NOCT: variants seen among roughly 807,000 people sequenced by gnomAD.
The protein encoded by NOCT is CCR4 carbon catabolite repression 4-like.
Under a neutral mutation model 35.0 loss-of-function variants are expected in NOCT, and 18 were observed. The ratio of observed to expected loss-of-function variants is 0.51; its 90% CI spans 0.36 to 0.76. The LOEUF (loss-of-function observed/expected upper bound fraction) is 0.76, where lower values mean the gene tolerates loss of function less well. NOCT is among the 30% of genes least tolerant of loss of function. The pLI is 0.01. For missense variants in NOCT, 479 were observed against 541.0 expected, an observed-to-expected ratio of 0.89 and a Z score of 1.14; for synonymous variants, 235 against 226.3, an observed-to-expected ratio of 1.04 and a Z score of -0.34.
At chr4:139,024,009 T>G (rs564080615) in intron 1 of NOCT, among the ~76,000 whole-genome samples, 36 of 151,980 alleles carry the variant, frequency 2.4e-4, no homozygotes, top group African/African-American at 8.2e-4. Flanking sequence ...TGTTAGATTG[T>G]TGGCCATATG....
At chr4:139,038,064 G>A (rs1225268825) in intron 1 of NOCT, among the ~76,000 whole-genome samples, 1 of 152,054 alleles carries the variant, frequency 6.6e-6, no homozygotes, top group East Asian at 1.9e-4. Flanking sequence ...GCCAGGCGTG[G>A]TAGAACAAAC....
At chr4:139,036,274 C>T (rs1009072084) in intron 1 of NOCT, among the ~76,000 whole-genome samples, 7 of 151,892 alleles carry the variant, frequency 4.6e-5, no homozygotes, top group African/African-American at 1.2e-4. Context: ...ATTTTTTTCT[C>T]TAGAGAGACA....
At chr4:139,039,488 C>T (rs983350326) in intron 1 of NOCT, among the ~76,000 whole-genome samples, 4 of 149,320 alleles carry the variant, frequency 2.7e-5, no homozygotes, top group African/African-American at 7.4e-5. Flanking sequence ...TTCTTGATTT[C>T]TTTTGTTCCC....
At chr4:139,016,870 G>A (rs911712930) in intron 1 of NOCT, among the ~76,000 whole-genome samples, 11 of 151,560 alleles carry the variant, frequency 7.3e-5, no homozygotes, top group African/African-American at 2.7e-4. Flanking sequence ...GGCCAGGCTG[G>A]TCTTGAACTC....
At chr4:139,019,181 G>A (rs775836354) in intron 1 of NOCT, among the ~76,000 whole-genome samples, 6 of 152,078 alleles carry the variant, frequency 3.9e-5, no homozygotes, top group Non-Finnish European at 7.4e-5. Context: ...TCAGCCTCCT[G>A]AGCAGCTGTG....
chr4:139,034,249 CA>C lies in NOCT; in HGVS notation c.191-8824del, dbSNP rs141855913. 7.4e-3 allele frequency among the ~76,000 whole-genome samples: 1,126 copies of C among 152,146 alleles called. 18 individuals carry two copies. Among genetic ancestry groups the C allele is most frequent in the African/African-American group, 0.025 (1,058 of 41,492 alleles). ...ACCCCCCACCTTATTGGTATTAATC[CA>C]TTGATGAGAGCCATGCCCTCATGAC... On this transcript the variant is annotated intron_variant, in intron 1 of 2. Coordinates refer to ENST00000280614, the MANE Select transcript of NOCT (RefSeq NM_012118.4).
intron 1 of NOCT, 67 bp from the exon 2 acceptor site, chr4:139,043,007 A>C (rs1473614607): frequency 7.1e-7 from 1 of 1,416,584 alleles, no homozygotes; most frequent in Non-Finnish European, 9.6e-7. Context: ...TGTTTATCTT[A>C]CAGTTGTGCT....
At chr4:139,019,754 T>A (rs1014253978) in intron 1 of NOCT, among the ~76,000 whole-genome samples, 6 of 152,220 alleles carry the variant, frequency 3.9e-5, no homozygotes, top group African/African-American at 1.2e-4. Flanking sequence ...GGCTTTCTTT[T>A]CTCAAGGATA....
chr4:139,019,140 C>T (rs1408885459), intron 1 of NOCT, among the ~76,000 whole-genome samples: 1 of 152,164 alleles, frequency 6.6e-6, no homozygotes, highest in Non-Finnish European at 1.5e-5. Flanking sequence ...ACTGCAACCT[C>T]CACCTCCCAG....
chr4:139,043,548 GAC>G lies in NOCT; in HGVS notation c.460+208_460+209del, dbSNP rs1197457807. ...TTTTTTTTTTTTTAGAAAGAAAAAAGACACTTTAATTGTTCTTGGATAGTCTA... is the reference window on the plus strand; with the variant it reads ...TTTTTTTTTTTTTAGAAAGAAAAAAGACTTTAATTGTTCTTGGATAGTCTA... On this transcript the variant is annotated intron_variant, in intron 2 of 2. Coordinates refer to ENST00000280614, the MANE Select transcript of NOCT (RefSeq NM_012118.4). 7.3e-6 allele frequency: 4 copies of G among 550,480 alleles called. No homozygotes were observed. In the East Asian group the frequency reaches 1.2e-4, roughly 16 times the overall value. The allele number at this position is 550,480 out of a possible 1,614,324, so 34.1% of individuals were successfully genotyped here.
At chr4:139,039,000 T>C (rs1726784908) in intron 1 of NOCT, among the ~76,000 whole-genome samples, 1 of 152,026 alleles carries the variant, frequency 6.6e-6, no homozygotes, top group African/African-American at 2.4e-5. Flanking sequence ...AATGTATTCG[T>C]GAGTGTGTGT....
At chr4:139,043,051 A>G (rs780850313) in intron 1 of NOCT, 23 bp from the exon 2 acceptor site, 15 of 1,573,050 alleles carry the variant, frequency 9.5e-6, no homozygotes, top group Admixed American at 1.7e-5. Flanking sequence ...CTGAGTGTGT[A>G]ACTGTGATTT....
chr4:139,031,595 C>T (rs938411143), intron 1 of NOCT, among the ~76,000 whole-genome samples: 5 of 152,062 alleles, frequency 3.3e-5, no homozygotes, highest in African/African-American at 9.7e-5. Flanking sequence ...TCCTTATGGT[C>T]GCATTCTTAG....
At chr4:139,041,614 A>G (rs1726833770) in intron 1 of NOCT, among the ~76,000 whole-genome samples, 1 of 152,228 alleles carries the variant, frequency 6.6e-6, no homozygotes, top group Admixed American at 6.5e-5. Context: ...AATTATAAAA[A>G]GCAAAACACT....
At chr4:139,021,388 G>A (rs1560728957) in intron 1 of NOCT, among the ~76,000 whole-genome samples, 1 of 152,140 alleles carries the variant, frequency 6.6e-6, no homozygotes, top group Non-Finnish European at 1.5e-5. Flanking sequence ...GGAGGCCAAG[G>A]CAGGCGGATC....
At chr4:139,019,950 A>G (rs1304513426) in intron 1 of NOCT, among the ~76,000 whole-genome samples, 1 of 152,210 alleles carries the variant, frequency 6.6e-6, no homozygotes, top group African/African-American at 2.4e-5. Flanking sequence ...TTTATAGGCA[A>G]ATGCCACCAG....
rs1026901430 is a variant in NOCT at position 139,035,232 on chromosome 4, C to T, written c.191-7842C>T. Among the ~76,000 whole-genome samples the T allele has an allele frequency of 2.0e-5, 3 of 152,080 alleles. No individual in the cohort carries two copies. In the East Asian group the frequency reaches 5.8e-4, roughly 29 times the overall value. Reference sequence around the variant, plus strand: ...GCCTCAATCTCCTGGGCTCAGGCAACCCAGTTCAGCCTCCCGAATAGCTGG... The same window carrying T: ...GCCTCAATCTCCTGGGCTCAGGCAATCCAGTTCAGCCTCCCGAATAGCTGG... On this transcript the variant is annotated intron_variant, in intron 1 of 2. Transcript: ENST00000280614.
chr4:139,035,421 C>G (rs558032468), intron 1 of NOCT, among the ~76,000 whole-genome samples: 2 of 152,172 alleles, frequency 1.3e-5, no homozygotes, highest in African/African-American at 4.8e-5. Flanking sequence ...CAGGCATGAG[C>G]CACCACACCC....
In NOCT at chr4:139,045,509, A is replaced by AGTTT. The variant is rs1726919835; in HGVS notation, c.*35_*36insGTTT. ...TTTGTCTTTTTAATCACAGGAGTCTATTTTTTTTTTTTTTTTTTTTTTTTT... is the reference window on the plus strand; with the variant it reads ...TTTGTCTTTTTAATCACAGGAGTCTAGTTTTTTTTTTTTTTTTTTTTTTTTTTTT... On this transcript the variant is annotated 3_prime_UTR_variant, in exon 3 of 3. Transcript: ENST00000280614. The AGTTT allele has an allele frequency of 3.5e-6, 1 of 289,550 alleles. No homozygotes were observed. 17.9% of individuals were successfully genotyped at this position (289,550 alleles called of 1,614,324 possible).
Sources: gnomAD v4.1 joint callset for allele counts (sites outside exome capture counted in the v4.1 genomes callset) on GRCh38, gnomAD v4.1.1 for gene constraint, MANE v1.5 for transcripts, NCBI Gene and HGNC (gene_info 2026-07-23, HGNC 2026-07-21) for gene names.